The following GARIN1B variants were observed in gnomAD, a reference collection of about 807,000 sequenced individuals.
GARIN1B encodes the protein golgi associated RAB2 interactor 1B.
the GARIN1B span, chr7:128,724,692 A>G: frequency 7.8e-7 from 1 of 1,284,942 alleles, no homozygotes; most frequent in Non-Finnish European, 1.0e-6. Flanking sequence ...AATAGAAAGG[A>G]GAGAACAGAA....
chr7:128,725,082 C>G, the GARIN1B span: 1 of 243,918 alleles, frequency 4.1e-6, no homozygotes, highest in Non-Finnish European at 8.2e-6. Context: ...TGTAAGTAAG[C>G]TCTCAATAAG....
the GARIN1B span, chr7:128,714,008 T>C: frequency 2.0e-6 from 3 of 1,532,228 alleles, no homozygotes; most frequent in Non-Finnish European, 2.6e-6. Flanking sequence ...TTTTCCTACC[T>C]GGTAAACAAA....
chr7:128,714,007 C>G, the GARIN1B span: 20 of 1,532,184 alleles, frequency 1.3e-5, no homozygotes, highest in South Asian at 1.1e-4. Context: ...CTTTTCCTAC[C>G]TGGTAAACAA....
At chr7:128,729,389 G>A in the GARIN1B span, among the ~76,000 whole-genome samples, 1 of 152,222 alleles carries the variant, frequency 6.6e-6, no homozygotes, top group African/African-American at 2.4e-5. Context: ...TTAAAAGGCA[G>A]ATTCTAATTT....
the GARIN1B span, among the ~76,000 whole-genome samples, chr7:128,711,515 T>C: frequency 6.6e-6 from 1 of 152,050 alleles, no homozygotes; most frequent in Admixed American, 6.6e-5. Flanking sequence ...TTTTGGTTAA[T>C]TGGAGAAAGT....
the GARIN1B span, among the ~76,000 whole-genome samples, chr7:128,729,550 A>G: frequency 1.3e-5 from 2 of 152,216 alleles, no homozygotes; most frequent in Non-Finnish European, 2.9e-5. Context: ...GGCCATTGCT[A>G]GTTCAGCTAG....
chr7:128,730,126 A>C, the GARIN1B span: 2 of 1,573,384 alleles, frequency 1.3e-6, no homozygotes, highest in Non-Finnish European at 1.7e-6. Context: ...ATTCAGCCTC[A>C]GGGCTGGGTC....
At chr7:128,718,941 A>G in the GARIN1B span, 4 of 1,614,100 alleles carry the variant, frequency 2.5e-6, no homozygotes, top group Non-Finnish European at 3.4e-6. Flanking sequence ...CATCCTGACC[A>G]TCCTGAGACT....
At chr7:128,724,562 A>G in the GARIN1B span, among the ~76,000 whole-genome samples, 1 of 152,204 alleles carries the variant, frequency 6.6e-6, no homozygotes, top group Admixed American at 6.5e-5. Context: ...AAGTCTTGGT[A>G]TAAAACTGGT....
the GARIN1B span, chr7:128,714,115 G>A: frequency 6.5e-7 from 1 of 1,536,000 alleles, no homozygotes; most frequent in Non-Finnish European, 8.7e-7. Flanking sequence ...CAGAGGGAAG[G>A]ACTGATGGAA....
chr7:128,717,825 A>T, the GARIN1B span, among the ~76,000 whole-genome samples: 2 of 151,442 alleles, frequency 1.3e-5, no homozygotes, highest in Non-Finnish European at 2.9e-5. Context: ...ATATAGTGAC[A>T]TCATGCTTGT....
At chr7:128,731,127 A>G in the GARIN1B span, 15 of 1,608,608 alleles carry the variant, frequency 9.3e-6, no homozygotes, top group African/African-American at 2.0e-4. Context: ...ACCCTTCCGC[A>G]CTGGGGAGAA....
At chr7:128,726,376 T>C in the GARIN1B span, among the ~76,000 whole-genome samples, 2 of 152,228 alleles carry the variant, frequency 1.3e-5, no homozygotes, top group African/African-American at 4.8e-5. Context: ...TGATAATTGC[T>C]TTGTACAGAC....
the GARIN1B span, chr7:128,713,970 T>C: frequency 6.6e-7 from 1 of 1,525,530 alleles, no homozygotes; most frequent in Non-Finnish European, 8.8e-7. Flanking sequence ...TCTGATCTAA[T>C]CCTTAGAGAA....
At chr7:128,731,572 C>T in the GARIN1B span, 1 of 176,324 alleles carries the variant, frequency 5.7e-6, no homozygotes, top group Admixed American at 5.5e-5. Flanking sequence ...CACCAAGCTT[C>T]TATTTATCTA....
chr7:128,720,225 G>A, the GARIN1B span, among the ~76,000 whole-genome samples: 11 of 134,600 alleles, frequency 8.2e-5, no homozygotes, highest in African/African-American at 8.4e-5. Context: ...TTTTGAAACA[G>A]TCTCCCTCTG....
At chr7:128,728,826 G>A in the GARIN1B span, among the ~76,000 whole-genome samples, 2 of 152,162 alleles carry the variant, frequency 1.3e-5, no homozygotes, top group Admixed American at 1.3e-4. Context: ...TCTAAATGGT[G>A]AGCACAGCTG....
chr7:128,718,303 A>T, the GARIN1B span, among the ~76,000 whole-genome samples: 1 of 152,078 alleles, frequency 6.6e-6, no homozygotes, highest in African/African-American at 2.4e-5. Context: ...CTGGTGGCAC[A>T]TGCCTGTAAT....
chr7:128,725,338 T>TTTCCTTCCTTCCTTCCTTCCTTCC, the GARIN1B span, among the ~76,000 whole-genome samples: 3 of 149,402 alleles, frequency 2.0e-5, no homozygotes, highest in South Asian at 2.2e-4. Flanking sequence ...ATCAAATCAC[T>TTTCCTTCCTTCCTTCCTTCCTTCC]TTCCTTCCTT....
Sources: gnomAD v4.1 joint callset for allele counts (sites outside exome capture counted in the v4.1 genomes callset) on GRCh38, gnomAD v4.1.1 for gene constraint, MANE v1.5 for transcripts, NCBI Gene and HGNC (gene_info 2026-07-23, HGNC 2026-07-21) for gene names.